The following TMEM182 variants were observed in gnomAD, a reference collection of about 807,000 sequenced individuals.
TMEM182 encodes the protein transmembrane protein 182.
In TMEM182, 20 loss-of-function variants were observed where a neutral mutation model predicts 26.8. The observed-to-expected ratio is 0.75, with a 90% CI of 0.53 to 1.09. The LOEUF (loss-of-function observed/expected upper bound fraction) is 1.09. TMEM182 is among the 50% of genes least tolerant of loss of function. The probability of loss-of-function intolerance (pLI) is 0.00; values close to 1 mark genes in which losing one functional copy is unlikely to be tolerated. For missense variants in TMEM182, 277 were observed against 275.5 expected, an observed-to-expected ratio of 1.01 and a Z score of -0.04; for synonymous variants, 109 against 102.2, an observed-to-expected ratio of 1.07 and a Z score of -0.40.
chr2:102,767,657 A>T (rs1004736212), intron 3 of TMEM182, among the ~76,000 whole-genome samples: 1 of 152,224 alleles, frequency 6.6e-6, no homozygotes, highest in African/African-American at 2.4e-5. Context: ...TCTCCAAAGC[A>T]TAGTTCCTGG....
intron 3 of TMEM182, among the ~76,000 whole-genome samples, chr2:102,833,734 T>C (rs1224473349): frequency 6.6e-6 from 1 of 152,214 alleles, no homozygotes; most frequent in Non-Finnish European, 1.5e-5. Flanking sequence ...CAGTTTTTCC[T>C]TGTCTTTCAT....
chr2:102,813,105 G>C (rs1326520697), intron 4 of TMEM182, among the ~76,000 whole-genome samples: 1 of 152,132 alleles, frequency 6.6e-6, no homozygotes, highest in Non-Finnish European at 1.5e-5. Context: ...CGGTGTGAAG[G>C]ATGTTTCTTA....
chr2:102,815,457 A>C lies in TMEM182; in HGVS notation c.*489A>C. On this transcript the variant is annotated 3_prime_UTR_variant, in exon 5 of 5. Transcript: ENST00000412401. The stretch of plus-strand genomic sequence containing the variant: ...ATTCACTGGCTCTTGTGAGCAAATG[A>C]ATTTAAAAATAGACAGCAGTTGTTC... The C allele has an allele frequency of 2.0e-6, 2 of 988,244 alleles. No homozygotes were observed. Among genetic ancestry groups the C allele is most frequent in the Non-Finnish European group, 2.4e-6 (2 of 831,986 alleles). 61.2% of individuals were successfully genotyped at this position (988,244 alleles called of 1,614,324 possible). A position where few individuals can be genotyped will look rare whatever the true frequency, so the allele number is the denominator to read the frequency against.
chr2:102,796,209 A>G (rs1024012919), intron 3 of TMEM182, among the ~76,000 whole-genome samples: 1 of 152,200 alleles, frequency 6.6e-6, no homozygotes, highest in African/African-American at 2.4e-5. Flanking sequence ...GGCCAAATCC[A>G]TGAGGAAAAA....
chr2:102,826,693 A>G (rs1683037391), intron 3 of TMEM182, among the ~76,000 whole-genome samples: 1 of 152,118 alleles, frequency 6.6e-6, no homozygotes, highest in Admixed American at 6.6e-5. Flanking sequence ...AGCACTAATT[A>G]TATTTTCCTC....
chr2:102,786,210 G>GTTTTTTTTTTTT (rs772846502), intron 3 of TMEM182, among the ~76,000 whole-genome samples: 1 of 91,796 alleles, frequency 1.1e-5, no homozygotes, highest in African/African-American at 4.4e-5. Context: ...TCAGCAATCT[G>GTTTTTTTTTTTT]TTTTTTTTTT....
chr2:102,758,471 A>T (rs1341844888), upstream of TMEM182: 3 of 717,084 alleles, frequency 4.2e-6, no homozygotes, highest in East Asian at 8.0e-5. Context: ...TACCTCCTCC[A>T]TGGTAAGCTC....
At chr2:102,841,008 G>A (rs1437262594) in intron 3 of TMEM182, among the ~76,000 whole-genome samples, 1 of 152,146 alleles carries the variant, frequency 6.6e-6, no homozygotes, top group African/African-American at 2.4e-5. Context: ...GATGCCAGGG[G>A]ACTTTTTTTT....
chr2:102,775,792 G>A (rs2104685724), intron 3 of TMEM182, among the ~76,000 whole-genome samples: 1 of 152,208 alleles, frequency 6.6e-6, no homozygotes, highest in African/African-American at 2.4e-5. Flanking sequence ...ATTCATAATT[G>A]CTTCAAAGAG....
At chr2:102,830,961 TTG>T (rs1683138205) in intron 3 of TMEM182, among the ~76,000 whole-genome samples, 3 of 152,226 alleles carry the variant, frequency 2.0e-5, no homozygotes. Flanking sequence ...CACGTGATGT[TTG>T]TCTTTCTGTG....
chr2:102,843,493 A>G (rs1252974463), exon 4 of TMEM182: 1 of 152,196 alleles, frequency 6.6e-6, no homozygotes, highest in Non-Finnish European at 1.5e-5. Context: ...TCAGCCATCA[A>G]TGACATCTCA....
At chr2:102,831,394 T>C (rs955810994) in intron 3 of TMEM182, among the ~76,000 whole-genome samples, 5 of 152,224 alleles carry the variant, frequency 3.3e-5, no homozygotes, top group Non-Finnish European at 7.3e-5. Flanking sequence ...GAAAGTTTGA[T>C]ACACAAAGGT....
At chr2:102,832,477 G>A (rs1178424832) in intron 3 of TMEM182, among the ~76,000 whole-genome samples, 2 of 152,202 alleles carry the variant, frequency 1.3e-5, no homozygotes, top group Non-Finnish European at 2.9e-5. Context: ...CGAAGATACT[G>A]GGGCCAGGAT....
At position 102,817,295 on chromosome 2, in the gene TMEM182, CTT is replaced by C; in HGVS notation, c.*2331_*2332del. On this transcript the variant is annotated 3_prime_UTR_variant, in exon 5 of 5. Coordinates refer to ENST00000412401, the MANE Select transcript of TMEM182 (RefSeq NM_144632.5). ...AGAAGCCTTTAAACTGTGTTAGAAT[CTT>C]TTTGAAAAATGTTGATTTTGCATCA... is the stretch of plus-strand genomic sequence containing the variant. 2 of 985,274 alleles carry C rather than the reference CTT, an allele frequency of 2.0e-6. No homozygotes were observed. Among genetic ancestry groups the C allele is most frequent in the Non-Finnish European group, 2.4e-6 (2 of 829,872 alleles). 61.0% of individuals were successfully genotyped at this position (985,274 alleles called of 1,614,324 possible). A position where few individuals can be genotyped will look rare whatever the true frequency, so the allele number is the denominator to read the frequency against.
intron 3 of TMEM182, among the ~76,000 whole-genome samples, chr2:102,841,408 G>C (rs1027719349): frequency 6.6e-6 from 1 of 152,106 alleles, no homozygotes; most frequent in African/African-American, 2.4e-5. Context: ...CAGAGGACCC[G>C]GGCCTGAGCA....
chr2:102,800,797 TTG>T (rs71378190), intron 4 of TMEM182, among the ~76,000 whole-genome samples: 34,019 of 137,454 alleles, frequency 0.25, 4,044 homozygotes, highest in Middle Eastern at 0.32. Context: ...TTTGGACAGT[TTG>T]TGTGTGTGTG....
At chr2:102,843,523 C>G (rs1683394706) in exon 4 of TMEM182, 1 of 152,232 alleles carries the variant, frequency 6.6e-6, no homozygotes, top group East Asian at 1.9e-4. Flanking sequence ...GCCCTTATGC[C>G]ACTGCTGGGA....
At chr2:102,831,624 G>A (rs1213764866) in intron 3 of TMEM182, among the ~76,000 whole-genome samples, 1 of 152,184 alleles carries the variant, frequency 6.6e-6, no homozygotes, top group Non-Finnish European at 1.5e-5. Flanking sequence ...CAGTGCGGTG[G>A]TACATGCCTG....
At position 102,826,218 on chromosome 2, in the gene TMEM182, C is replaced by T. The variant is rs183087598; in HGVS notation, c.326-17194C>T. Reference sequence around the variant, plus strand: ...CATCTGAAGCCTACCCGGATGCCCTCGGGTAAGTTACTGAGGCTCTTCACT... The same window carrying T: ...CATCTGAAGCCTACCCGGATGCCCTTGGGTAAGTTACTGAGGCTCTTCACT... On this transcript the variant is annotated intron_variant, in intron 3 of 3. Transcript: ENST00000486293. Among the ~76,000 whole-genome samples the T allele has an allele frequency of 1.5e-4, 22 of 151,228 alleles. No individual in the cohort carries two copies. In the East Asian group the frequency reaches 3.9e-3, roughly 27 times the overall value.
Sources: allele counts gnomAD v4.1 joint callset (sites outside exome capture counted in the v4.1 genomes callset), GRCh38; gene constraint gnomAD v4.1.1; transcripts MANE v1.5; gene names NCBI Gene and HGNC (gene_info 2026-07-23, HGNC 2026-07-21).